The following MTMR6 variants were observed in gnomAD, a reference collection of about 807,000 sequenced individuals.
MTMR6 encodes the protein myotubularin related protein 6, also known as phosphatidylinositol-3,5-bisphosphate 3-phosphatase MTMR6.
Under a neutral mutation model 80.1 loss-of-function variants are expected in MTMR6, and 47 were observed. The observed-to-expected ratio is 0.59, with a 90% CI of 0.46 to 0.75. The LOEUF is 0.75. Among genes scored for constraint, MTMR6 ranks in the 30% least tolerant of loss-of-function variants. The pLI is 0.00. For synonymous variants in MTMR6, 254 were observed against 253.0 expected, an observed-to-expected ratio of 1.00 and a Z score of -0.04; for missense variants, 629 against 730.9, an observed-to-expected ratio of 0.86 and a Z score of 1.61.
intron 9 of MTMR6, 109 bp downstream of exon 9, chr13:25,257,087 C>T (rs2078053659): frequency 8.5e-7 from 1 of 1,179,406 alleles, no homozygotes. Flanking sequence ...ATGCCAGTCT[C>T]ATCATTTCCT....
At position 25,261,731 on chromosome 13, in the gene MTMR6, A is replaced by G. The variant is rs112145972; in HGVS notation, c.663T>C (p.Leu221=). Residue 221 remains leucine (L), a synonymous_variant, in exon 6 of 14, where the codon CTT becomes CTC. Coordinates refer to ENST00000381801, the MANE Select transcript of MTMR6 (RefSeq NM_004685.5). ...CTGGATTGGCTTTACTAATGGCTTG[A>G]AGCAAATGTTCATCCTCCAGGCACC... The part of the protein sequence containing the change: ...SARCLEDEHL[L]QAISKANPVN... 242 of 1,613,908 alleles carry G rather than the reference A, an allele frequency of 1.5e-4. 1 individual carries two copies. In the African/African-American group the frequency reaches 2.4e-3, roughly 16 times the overall value.
At chr13:25,250,616 A>G (rs1957063574) in intron 13 of MTMR6, among the ~76,000 whole-genome samples, 1 of 152,246 alleles carries the variant, frequency 6.6e-6, no homozygotes, top group Non-Finnish European at 1.5e-5. Context: ...AAAACAATTT[A>G]AATATTCATC....
At chr13:25,253,013 T>C (rs1459002241) in intron 11 of MTMR6, among the ~76,000 whole-genome samples, 1 of 152,176 alleles carries the variant, frequency 6.6e-6, no homozygotes, top group Non-Finnish European at 1.5e-5. Flanking sequence ...TATTGCCTAC[T>C]GTAAGAGGCA....
intron 1 of MTMR6, among the ~76,000 whole-genome samples, chr13:25,279,758 A>C (rs1447607014): frequency 6.6e-6 from 1 of 152,216 alleles, no homozygotes; most frequent in Non-Finnish European, 1.5e-5. Context: ...AATGTTCTTC[A>C]CTAATGGGAA....
rs755660799 is a variant in MTMR6, at chr13:25,287,226, T to G, written c.22A>C (p.Lys8Gln). 3 of 1,598,356 alleles carry G rather than the reference T, an allele frequency of 1.9e-6. No individual in the cohort carries two copies. In the East Asian group the frequency reaches 6.9e-5, roughly 37 times the overall value. MEHIRTT[K>Q]VEQVKLLDRF... ...CTGGCGATCCCGCGCCCGACTACCTTGGTCGTCCGGATATGCTCCATCGCA... is the reference window on the plus strand; with the variant it reads ...CTGGCGATCCCGCGCCCGACTACCTGGGTCGTCCGGATATGCTCCATCGCA... Residue 8 changes from lysine (K) to glutamine (Q), a missense_variant and splice_region_variant, in exon 1 of 14, where the codon AAG becomes CAG. By Grantham distance (53) the Lys-to-Gln change is moderately conservative. Transcript: ENST00000381801.
chr13:25,257,877 A>G (rs1280474832), intron 7 of MTMR6, 32 bp from the exon 8 acceptor site: 2 of 1,473,178 alleles, frequency 1.4e-6, no homozygotes, highest in Non-Finnish European at 1.9e-6. Context: ...TTCAATTAGA[A>G]TATGGCTAGA....
At chr13:25,262,115 G>C (rs927234321) in intron 5 of MTMR6, among the ~76,000 whole-genome samples, 5 of 152,078 alleles carry the variant, frequency 3.3e-5, no homozygotes, top group African/African-American at 1.2e-4. Flanking sequence ...GCTCCATTTA[G>C]ATTACAGGAT....
chr13:25,264,775 A>AAAAAAAAAAAAAAAAAAAAAAAAAAAAG (rs1491106020), intron 5 of MTMR6, among the ~76,000 whole-genome samples: 2 of 133,644 alleles, frequency 1.5e-5, no homozygotes, highest in Non-Finnish European at 3.3e-5. Context: ...AAAAAAAAAA[A>AAAAAAAAAAAAAAAAAAAAAAAAAAAAG]GAAATTTCAG....
intron 1 of MTMR6, among the ~76,000 whole-genome samples, chr13:25,279,899 G>C (rs115763095): frequency 0.014 from 2,057 of 152,268 alleles, 62 homozygotes; most frequent in African/African-American, 0.046. Context: ...AGATACAGAG[G>C]TTTTTAAGCA....
chr13:25,267,254 A>T (rs1181741241), intron 3 of MTMR6, among the ~76,000 whole-genome samples: 4 of 152,012 alleles, frequency 2.6e-5, no homozygotes, highest in African/African-American at 4.8e-5. Context: ...CTCAAAAAAA[A>T]AAAAAAAAAA....
rs141278425 is a variant in MTMR6 at position 25,261,688 on chromosome 13, C to T, written c.706G>A (p.Val236Ile). 3.6e-4 allele frequency: 584 copies of T among 1,611,496 alleles called. No homozygotes were observed. The highest frequency in any genetic ancestry group is 6.6e-4 in the Middle Eastern group (4 of 6,068). Residue 236 changes from valine to isoleucine, a missense_variant, in exon 6 of 14, where the codon GTC (valine) becomes ATC (isoleucine). Val to Ile is a conservative substitution (Grantham distance 29). Coordinates refer to ENST00000381801, the MANE Select transcript of MTMR6 (RefSeq NM_004685.5). ...KANPVNRYMY[V>I]MDTRPKLNAM... The stretch of plus-strand genomic sequence containing the variant: ...CATACTTTTGGCCTGGTATCCATGA[C>T]GTACATATAGCGATTGACTGGATTG...
At position 25,251,504 on chromosome 13, in the gene MTMR6, TTCAA is replaced by T; in HGVS notation, c.1605+141_1605+144del. On this transcript the variant is annotated intron_variant, in intron 13 of 13. Coordinates refer to ENST00000381801, the MANE Select transcript of MTMR6 (RefSeq NM_004685.5). The surrounding 1 kb of genome is among the most constrained non-coding windows in gnomAD (Gnocchi z 4.1). ...AAAGAAAGTGATTCGAACTAACGTA[TTCAA>T]TCAAAGTAGGGATGACCTGATTTTG... 2 of 671,148 alleles carry T rather than the reference TTCAA, an allele frequency of 3.0e-6. No homozygotes were observed. Among genetic ancestry groups the T allele is most frequent in the Middle Eastern group, 4.3e-4 (1 of 2,348 alleles). 41.6% of individuals were successfully genotyped at this position (671,148 alleles called of 1,614,324 possible).
chr13:25,285,984 C>T (rs1319027454), intron 1 of MTMR6, among the ~76,000 whole-genome samples: 1 of 152,170 alleles, frequency 6.6e-6, no homozygotes, highest in Non-Finnish European at 1.5e-5. Context: ...AATGTCCACT[C>T]TAGTCCTCTT....
chr13:25,269,553 C>T (rs184813204), intron 2 of MTMR6, among the ~76,000 whole-genome samples: 2 of 152,116 alleles, frequency 1.3e-5, no homozygotes, highest in African/African-American at 4.8e-5. Context: ...TGCAAGAGAT[C>T]CATTTATCCC....
chr13:25,250,810 G>A (rs1957068444), intron 13 of MTMR6, among the ~76,000 whole-genome samples: 1 of 152,160 alleles, frequency 6.6e-6, no homozygotes, highest in African/African-American at 2.4e-5. Context: ...AGTTTCTTAA[G>A]CAGAGTGAAG....
At chr13:25,259,282 C>A (rs576271158) in intron 6 of MTMR6, among the ~76,000 whole-genome samples, 59 of 152,132 alleles carry the variant, frequency 3.9e-4, no homozygotes, top group Non-Finnish European at 7.8e-4. Context: ...AACTGGTCTC[C>A]AGGAAAAAAC....
At position 25,287,352 on chromosome 13, in the gene MTMR6, C is replaced by A; in HGVS notation, c.-105G>T. 1 of 1,449,246 alleles carries A rather than the reference C, an allele frequency of 6.9e-7. No homozygotes were observed. Among genetic ancestry groups the A allele is most frequent in the Non-Finnish European group, 9.4e-7 (1 of 1,067,194 alleles). The allele number at this position is 1,449,246 out of a possible 1,614,324, so 89.8% of individuals were successfully genotyped here. ...AGCAAGCGGGAACTCCCTCCACCAG[C>A]CAGCGCCGCGGGTCTGTCTGCCGGC... is the stretch of plus-strand genomic sequence containing the variant. On this transcript the variant is annotated 5_prime_UTR_variant, in exon 1 of 14. Coordinates refer to ENST00000381801, the MANE Select transcript of MTMR6 (RefSeq NM_004685.5).
chr13:25,260,575 C>A (rs761708864), intron 6 of MTMR6: 5 of 1,275,968 alleles, frequency 3.9e-6, no homozygotes, highest in Non-Finnish European at 5.1e-6. Context: ...ATTGCTCACT[C>A]GCTTTTTCTC....
At chr13:25,249,813 A>C (rs2137511699) in intron 13 of MTMR6, among the ~76,000 whole-genome samples, 1 of 152,348 alleles carries the variant, frequency 6.6e-6, no homozygotes, top group East Asian at 1.9e-4. Context: ...ATTTATAATA[A>C]AAGAAATGTG....
Sources: gnomAD v4.1 joint callset for allele counts (sites outside exome capture counted in the v4.1 genomes callset) on GRCh38, gnomAD v4.1.1 for gene constraint, Gnocchi (gnomAD v3.1) non-coding constraint, MANE v1.5 for transcripts, NCBI Gene and HGNC (gene_info 2026-07-23, HGNC 2026-07-21) for gene names.